The following GREB1L variants were observed in gnomAD, a reference collection of about 807,000 sequenced individuals.
GREB1L encodes the protein GREB1-like protein.
Under a neutral mutation model 200.8 loss-of-function variants are expected in GREB1L, and 17 were observed. The observed-to-expected ratio is 0.08, with a 90% CI of 0.06 to 0.13. The LOEUF (loss-of-function observed/expected upper bound fraction) is 0.13, where lower values mean the gene tolerates loss of function less well. Ranked by LOEUF, GREB1L falls within the 10% of genes least tolerant of loss-of-function variation. GREB1L has a pLI of 1.00. For synonymous variants in GREB1L, 789 were observed against 893.0 expected (o/e 0.88, Z 2.08); for missense variants, 1,657 against 2,367.7 (o/e 0.70, Z 6.23).
At chr18:21,463,600 C>T (rs989005917) in intron 15 of GREB1L, among the ~76,000 whole-genome samples, 3 of 151,702 alleles carry the variant, frequency 2.0e-5, no homozygotes, top group Admixed American at 6.6e-5. Context: ...CACTGAAAGA[C>T]AGGGTCTCAC....
intron 1 of GREB1L, among the ~76,000 whole-genome samples, chr18:21,337,783 G>A (rs376321102): frequency 1.4e-4 from 21 of 151,750 alleles, no homozygotes; most frequent in East Asian, 3.9e-4. Flanking sequence ...TCAGGAGATC[G>A]AGACCATTCT....
rs2040418483 is a variant in GREB1L, at chr18:21,383,695, A to G, written c.157+20A>G. ...CTGCAGGTAAGTTTCTCAATCACAC[A>G]CATTTCTGGATTCTTTTTTTTTGTT... On this transcript the variant is annotated intron_variant, in intron 3 of 32. Coordinates refer to ENST00000424526, the MANE Select transcript of GREB1L (RefSeq NM_001142966.3). 1.3e-6 allele frequency: 2 copies of G among 1,540,800 alleles called. No homozygotes were observed.
chr18:21,525,675 A>AATCT lies in GREB1L; in HGVS notation c.*2855_*2858dup. On this transcript the variant is annotated 3_prime_UTR_variant, in exon 33 of 33. Coordinates refer to ENST00000424526, the MANE Select transcript of GREB1L (RefSeq NM_001142966.3). Reference sequence around the variant, plus strand: ...CTAATACAAGGTGTTTGTTATTGTTAATCTCCAGTTAAAACTTCTCAAACT... The same window carrying AATCT: ...CTAATACAAGGTGTTTGTTATTGTTAATCTATCTCCAGTTAAAACTTCTCAAACT... 6.6e-6 allele frequency among the ~76,000 whole-genome samples: 1 copy of AATCT among 152,210 alleles called. No individual in the cohort carries two copies. Among genetic ancestry groups the AATCT allele is most frequent in the African/African-American group, 2.4e-5 (1 of 41,468 alleles).
chr18:21,375,222 G>A (rs1229384725), intron 2 of GREB1L, among the ~76,000 whole-genome samples: 2 of 151,566 alleles, frequency 1.3e-5, no homozygotes, highest in East Asian at 1.9e-4. Flanking sequence ...GCACCACCAC[G>A]CCCGGCTAAT....
intron 1 of GREB1L, among the ~76,000 whole-genome samples, chr18:21,310,595 T>C (rs2038775062): frequency 6.6e-6 from 1 of 152,168 alleles, no homozygotes; most frequent in South Asian, 2.1e-4. Flanking sequence ...ATAAATTCCA[T>C]CTTAATGTTA....
intron 2 of GREB1L, among the ~76,000 whole-genome samples, chr18:21,368,833 T>TTTAG (rs1164803197): frequency 6.6e-6 from 1 of 152,190 alleles, no homozygotes; most frequent in East Asian, 1.9e-4. Context: ...ACAGGAGACC[T>TTTAG]TGTTTCTGGG....
chr18:21,363,275 C>T (rs1176279787), intron 1 of GREB1L, among the ~76,000 whole-genome samples: 1 of 49,736 alleles, frequency 2.0e-5, no homozygotes, highest in African/African-American at 8.8e-5. Context: ...GCCCCCACTC[C>T]GCCTCCCCCC....
At position 21,296,530 on chromosome 18, in the gene GREB1L, C is replaced by G. The variant is rs118047873; in HGVS notation, c.-120+54137C>G. On this transcript the variant is annotated intron_variant, in intron 1 of 32. Coordinates refer to ENST00000424526, the MANE Select transcript of GREB1L (RefSeq NM_001142966.3). ...ATCCATACTCCAAACCTCAGCATCA[C>G]TCAGTTTACCCATATACCCCTTGAA... Among the ~76,000 whole-genome samples the G allele has an allele frequency of 4.4e-3, 670 of 152,188 alleles. 3 individuals are homozygous for G. Among genetic ancestry groups the G allele is most frequent in the Non-Finnish European group, 7.4e-3 (504 of 68,010 alleles).
At chr18:21,469,710 A>G (rs527346662) in intron 15 of GREB1L, among the ~76,000 whole-genome samples, 31 of 152,292 alleles carry the variant, frequency 2.0e-4, no homozygotes, top group African/African-American at 7.2e-4. Flanking sequence ...ATATCTACCT[A>G]TCTATGTTTA....
intron 17 of GREB1L, among the ~76,000 whole-genome samples, chr18:21,480,254 G>A (rs748969023): frequency 6.6e-6 from 1 of 152,154 alleles, no homozygotes; most frequent in Non-Finnish European, 1.5e-5. Context: ...CAGAGGCTGA[G>A]GCTGGAGAAT....
chr18:21,299,393 C>G (rs1429309804), intron 1 of GREB1L, among the ~76,000 whole-genome samples: 1 of 151,726 alleles, frequency 6.6e-6, no homozygotes, highest in Non-Finnish European at 1.5e-5. Context: ...CTTTCAATGA[C>G]TCATTTCAAA....
In GREB1L at chr18:21,473,135, T is replaced by C; in HGVS notation, c.2287T>C (p.Phe763Leu). The C allele has an allele frequency of 1.9e-6, 3 of 1,550,794 alleles. No homozygotes were observed. Among genetic ancestry groups the C allele is most frequent in the Non-Finnish European group, 2.6e-6 (3 of 1,146,462 alleles). Residue 763 changes from phenylalanine (F) to leucine (L), a missense_variant, in exon 16 of 33, where the codon TTT becomes CTT. By Grantham distance (22) the Phe-to-Leu change is conservative. Coordinates refer to ENST00000424526, the MANE Select transcript of GREB1L (RefSeq NM_001142966.3). ...TGAGATTCAAACCAAGTTTGAAGTTTTTATGAGGAGAGTGAAACAGAACCC... is the reference window on the plus strand; with the variant it reads ...TGAGATTCAAACCAAGTTTGAAGTTCTTATGAGGAGAGTGAAACAGAACCC... The part of the protein sequence containing the change: ...DNEIQTKFEV[F>L]MRRVKQNPYT...
At chr18:21,458,929 CA>C (rs1185166681) in intron 15 of GREB1L, among the ~76,000 whole-genome samples, 3 of 151,972 alleles carry the variant, frequency 2.0e-5, no homozygotes, top group African/African-American at 7.3e-5. Context: ...TGGTGCAATC[CA>C]AAGGCAAGCC....
At chr18:21,521,506 G>A (rs762728596) in intron 32 of GREB1L, among the ~76,000 whole-genome samples, 3 of 152,102 alleles carry the variant, frequency 2.0e-5, no homozygotes, top group Non-Finnish European at 4.4e-5. Context: ...ACAGGGAGAG[G>A]GGTTGTGCGG....
intron 9 of GREB1L, among the ~76,000 whole-genome samples, chr18:21,440,648 T>G (rs1369612676): frequency 1.3e-5 from 2 of 152,194 alleles, no homozygotes; most frequent in African/African-American, 2.4e-5. Context: ...CAACCCACCA[T>G]CATAGAGCAT....
intron 5 of GREB1L, among the ~76,000 whole-genome samples, chr18:21,400,661 GGAGA>G (rs1238298213): frequency 1.3e-5 from 2 of 152,184 alleles, no homozygotes; most frequent in South Asian, 4.1e-4. Context: ...CAAAATTCCA[GGAGA>G]GAGATTCTGA....
At position 21,525,807 on chromosome 18, in the gene GREB1L, A is replaced by G. The variant is rs2037677215; in HGVS notation, c.*2986A>G. Among the ~76,000 whole-genome samples the G allele has an allele frequency of 6.6e-6, 1 of 152,192 alleles. No homozygotes were observed. Among genetic ancestry groups the G allele is most frequent in the South Asian group, 2.1e-4 (1 of 4,832 alleles). Reference sequence around the variant, plus strand: ...ATTTTACCAACTTTTGAGAATAACAACTTTGTTGTCCCAGAAAAATGGCTT... The same window carrying G: ...ATTTTACCAACTTTTGAGAATAACAGCTTTGTTGTCCCAGAAAAATGGCTT... On this transcript the variant is annotated 3_prime_UTR_variant, in exon 33 of 33. Transcript: ENST00000424526.
chr18:21,398,383 G>A (rs2041175776), intron 5 of GREB1L, among the ~76,000 whole-genome samples: 1 of 152,148 alleles, frequency 6.6e-6, no homozygotes, highest in African/African-American at 2.4e-5. Context: ...CAGTGCTTGG[G>A]ACATAGTATT....
At chr18:21,393,860 C>T (rs1193452215) in intron 4 of GREB1L, among the ~76,000 whole-genome samples, 1 of 152,136 alleles carries the variant, frequency 6.6e-6, no homozygotes, top group Non-Finnish European at 1.5e-5. Flanking sequence ...CTGCGCCCGG[C>T]CTGAAATAGC....
Sources: allele counts gnomAD v4.1 joint callset (sites outside exome capture counted in the v4.1 genomes callset), GRCh38; gene constraint gnomAD v4.1.1; transcripts MANE v1.5; gene names NCBI Gene and HGNC (gene_info 2026-07-23, HGNC 2026-07-21).